The following AMZ2 variants were observed in gnomAD, a reference collection of about 807,000 sequenced individuals.
The protein encoded by AMZ2 is archaemetzincin-2.
A neutral mutation model predicts 36.7 loss-of-function variants in AMZ2; 26 were observed. The ratio of observed to expected loss-of-function variants is 0.71; its 90% confidence interval spans 0.52 to 0.98. The LOEUF (loss-of-function observed/expected upper bound fraction) is 0.98, where lower values mean the gene tolerates loss of function less well. AMZ2 is among the 50% of genes least tolerant of loss of function. The probability of loss-of-function intolerance (pLI) is 0.00; values close to 1 mark genes in which losing one functional copy is unlikely to be tolerated. For synonymous variants in AMZ2, 144 were observed against 149.1 expected, an observed-to-expected ratio of 0.97 and a Z score of 0.25; for missense variants, 394 against 430.5, an observed-to-expected ratio of 0.92 and a Z score of 0.75.
In AMZ2 at chr17:68,220,692, G is replaced by A. The variant is rs1162991159; in HGVS notation, c.-67+14454G>A. Among the ~76,000 whole-genome samples, 5 of 151,994 alleles carry A rather than the reference G, an allele frequency of 3.3e-5. 1 individual carries two copies. Among genetic ancestry groups the A allele is most frequent in the Admixed American group, 3.3e-4 (5 of 15,250 alleles). On this transcript the variant is annotated intron_variant, in intron 1 of 7. Transcript: ENST00000674770. ...GTACTTAAGCCAAGATACCATTCGA[G>A]GGGACTAGATAAAATGCTCCAACCC...
At chr17:68,217,027 C>T (rs539961644) in intron 1 of AMZ2, among the ~76,000 whole-genome samples, 94 of 129,992 alleles carry the variant, frequency 7.2e-4, no homozygotes, top group East Asian at 5.3e-3. Context: ...AGCGAGACTC[C>T]GTCTCAAAAA....
intron 1 of AMZ2, among the ~76,000 whole-genome samples, chr17:68,240,606 G>A (rs782434109): frequency 1.3e-5 from 2 of 152,126 alleles, no homozygotes; most frequent in African/African-American, 2.4e-5. Flanking sequence ...TCTCAGTATC[G>A]AAGCGCCTGC....
chr17:68,220,047 T>A (rs1170013562), intron 1 of AMZ2, among the ~76,000 whole-genome samples: 4 of 152,190 alleles, frequency 2.6e-5, no homozygotes, highest in Non-Finnish European at 5.9e-5. Context: ...AGACTGGCTC[T>A]CCAGTTTTAT....
chr17:68,220,797 T>C (rs2073330373), intron 1 of AMZ2, among the ~76,000 whole-genome samples: 1 of 150,576 alleles, frequency 6.6e-6, no homozygotes, highest in Admixed American at 6.6e-5. Context: ...TTTTTTTTTT[T>C]TGAGACAGGG....
intron 1 of AMZ2, among the ~76,000 whole-genome samples, chr17:68,238,549 G>T (rs1329216113): frequency 8.0e-5 from 12 of 150,722 alleles, no homozygotes; most frequent in Admixed American, 3.3e-4. Context: ...TATATATATA[G>T]AGAGAAAGAG....
chr17:68,208,178 C>T (rs2072902044), intron 1 of AMZ2, among the ~76,000 whole-genome samples: 1 of 152,206 alleles, frequency 6.6e-6, no homozygotes. Context: ...CCATCGACCA[C>T]CCTAGGGCTG....
intron 1 of AMZ2, among the ~76,000 whole-genome samples, chr17:68,234,813 G>T (rs1424213991): frequency 6.6e-6 from 1 of 151,578 alleles, no homozygotes; most frequent in Admixed American, 6.6e-5. Context: ...ATAGCTAGGA[G>T]ACCAGCCCGG....
chr17:68,246,195 CAAA>C (rs57477453), upstream of AMZ2, among the ~76,000 whole-genome samples: 565 of 83,832 alleles, frequency 6.7e-3, 5 homozygotes, highest in African/African-American at 0.024. Context: ...ACTAAAAATA[CAAA>C]AAAAAAAAAA....
rs192841617 is a variant in AMZ2 at position 68,234,676 on chromosome 17, G to A, written c.-66-13964G>A. Among the ~76,000 whole-genome samples, 38 of 152,116 alleles carry A rather than the reference G, an allele frequency of 2.5e-4. No homozygotes were observed. The Middle Eastern group carries it at 0.024, about 95-fold the overall frequency. On this transcript the variant is annotated intron_variant, in intron 1 of 7. Coordinates refer to the AMZ2 transcript ENST00000674770. ...TCTTAGCTACTCAGAGGGCTGAGGC[G>A]GAAGGAATGCTTGAGCCCAGAAGGT... is the stretch of plus-strand genomic sequence containing the variant.
chr17:68,248,376 G>A lies in AMZ2; in HGVS notation c.-330G>A. The A allele has an allele frequency of 7.1e-6, 7 of 986,070 alleles. No individual in the cohort carries two copies. Among genetic ancestry groups the A allele is most frequent in the Non-Finnish European group, 7.2e-6 (6 of 830,076 alleles). 61.1% of individuals were successfully genotyped at this position (986,070 alleles called of 1,614,324 possible). On this transcript the variant is annotated 5_prime_UTR_variant, in exon 1 of 7. Coordinates refer to ENST00000359904, the MANE Select transcript of AMZ2 (RefSeq NM_016627.5). ...CCCAGCTGGAGACTGGGTTGTGTCT[G>A]CATGGACCAGAGCCCACAGTGCGAG...
rs1468066837 is a variant in AMZ2 at position 68,250,463 on chromosome 17, G to A, written c.276G>A (p.Gln92=). 11 of 1,613,718 alleles carry A rather than the reference G, an allele frequency of 6.8e-6. No individual in the cohort carries two copies. Among genetic ancestry groups the A allele is most frequent in the Non-Finnish European group, 8.5e-6 (10 of 1,179,902 alleles). ...CAAACAAACGCAGCATTTATATACA[G>A]TCCATTGGTAAATACTGGTAATGTG... ...PSPNKRSIYI[Q]SIGSLGNTRI... The change falls in exon 2 of 7, where the codon CAG becomes CAA. Residue 92 remains glutamine, a synonymous_variant. Transcript: ENST00000359904.
rs2144514389 is a variant in AMZ2, at chr17:68,216,594, A to G, written c.-67+10356A>G. Among the ~76,000 whole-genome samples the G allele has an allele frequency of 2.6e-5, 4 of 152,300 alleles. 1 individual carries two copies. The Middle Eastern group carries it at 0.01, about 389-fold the overall frequency. ...TTTATGAGAGTATTTTCAATACCTT[A>G]TTTTATACTGTAGTCTATAGAGTTT... On this transcript the variant is annotated intron_variant, in intron 1 of 7. Coordinates refer to the AMZ2 transcript ENST00000674770.
In AMZ2 at chr17:68,210,833, A is replaced by G. The variant is rs374429174; in HGVS notation, c.-67+4595A>G. Reference sequence around the variant, plus strand: ...TGTGGTGGTGTGTGCCTGTGGTCCTAGTTACTTGTGAGACTGAGGTAGGAG... The same window carrying G: ...TGTGGTGGTGTGTGCCTGTGGTCCTGGTTACTTGTGAGACTGAGGTAGGAG... On this transcript the variant is annotated intron_variant, in intron 1 of 7. Coordinates refer to the AMZ2 transcript ENST00000674770. 7.1e-4 allele frequency among the ~76,000 whole-genome samples: 106 copies of G among 150,176 alleles called. 2 individuals are homozygous for G. Among genetic ancestry groups the G allele is most frequent in the African/African-American group, 2.4e-3 (99 of 40,952 alleles).
rs577558271 is a variant in AMZ2, at chr17:68,214,421, C to T, written c.-67+8183C>T. Among the ~76,000 whole-genome samples the T allele has an allele frequency of 3.9e-4, 59 of 152,282 alleles. 1 individual carries two copies. The South Asian group carries it at 0.011, about 29-fold the overall frequency. ...AAGAAAGCTTCATTTATTGTGCACACAGCATTTACTATGTATATCGTCACT... is the reference window on the plus strand; with the variant it reads ...AAGAAAGCTTCATTTATTGTGCACATAGCATTTACTATGTATATCGTCACT... On this transcript the variant is annotated intron_variant, in intron 1 of 7. Transcript: ENST00000674770.
intron 1 of AMZ2, among the ~76,000 whole-genome samples, chr17:68,225,362 A>T (rs1440095364): frequency 2.0e-5 from 3 of 152,058 alleles, no homozygotes; most frequent in Non-Finnish European, 2.9e-5. Context: ...TATTAATAGG[A>T]TCTGTAAGTA....
chr17:68,251,103 G>C lies in AMZ2; in HGVS notation c.511G>C (p.Val171Leu), dbSNP rs782012937. Residue 171 changes from valine (V) to leucine (L), a missense_variant, in exon 4 of 7, where the codon GTG becomes CTG. Val to Leu is a conservative substitution (Grantham distance 32). Transcript: ENST00000359904. ...GAAACCTGAAGATGCCTTCTGTGTT[G>C]TGGGAATAACAATGATTGATCTTTA... ...KKKPEDAFCV[V>L]GITMIDLYPR... 3 of 1,613,658 alleles carry C rather than the reference G, an allele frequency of 1.9e-6. No individual in the cohort carries two copies. The highest frequency in any genetic ancestry group is 2.5e-6 in the Non-Finnish European group (3 of 1,179,930).
intron 1 of AMZ2, among the ~76,000 whole-genome samples, chr17:68,242,637 C>A (rs2073925483): frequency 6.6e-6 from 1 of 151,974 alleles, no homozygotes; most frequent in Admixed American, 6.6e-5. Context: ...GGACTCAAAC[C>A]CCTGACCTCA....
intron 1 of AMZ2, among the ~76,000 whole-genome samples, chr17:68,209,626 A>T (rs1259599949): frequency 0.14 from 12,755 of 93,174 alleles, 912 homozygotes; most frequent in East Asian, 0.24. Flanking sequence ...ATATATATAT[A>T]TATATATTTT....
upstream of AMZ2, among the ~76,000 whole-genome samples, chr17:68,243,629 A>G (rs2073947220): frequency 6.6e-6 from 1 of 152,154 alleles, no homozygotes; most frequent in Non-Finnish European, 1.5e-5. Flanking sequence ...TATTGGGTCA[A>G]TAGGTATGAA....
Sources: gnomAD v4.1 joint callset for allele counts (sites outside exome capture counted in the v4.1 genomes callset) on GRCh38, gnomAD v4.1.1 for gene constraint, MANE v1.5 for transcripts, NCBI Gene and HGNC (gene_info 2026-07-23, HGNC 2026-07-21) for gene names.